The following SLC24A3 variants were observed in gnomAD, a reference collection of about 807,000 sequenced individuals.
The protein encoded by SLC24A3 is solute carrier family 24 member 3.
A neutral mutation model predicts 75.8 loss-of-function variants in SLC24A3; 28 were observed. The observed-to-expected ratio is 0.37, with a 90% CI of 0.27 to 0.51. SLC24A3 has a LOEUF of 0.51. Among genes scored for constraint, SLC24A3 ranks in the 20% least tolerant of loss-of-function variants. SLC24A3 has a pLI of 0.94. For synonymous variants in SLC24A3, 372 were observed against 334.1 expected, an observed-to-expected ratio of 1.11 and a Z score of -1.24; for missense variants, 663 against 847.8, an observed-to-expected ratio of 0.78 and a Z score of 2.71.
At chr20:19,230,747 C>T (rs992749208) in intron 1 of SLC24A3, among the ~76,000 whole-genome samples, 31 of 152,100 alleles carry the variant, frequency 2.0e-4, no homozygotes, top group African/African-American at 7.0e-4. Context: ...GACCCATGTG[C>T]CCTTCCACAG....
intron 2 of SLC24A3, among the ~76,000 whole-genome samples, chr20:19,325,801 G>GT (rs1568589916): frequency 7.6e-5 from 4 of 52,592 alleles, no homozygotes; most frequent in African/African-American, 3.6e-4. Context: ...TATATAGAGA[G>GT]AGAGAGAGAG....
chr20:19,421,287 C>G (rs1403527491), intron 2 of SLC24A3, among the ~76,000 whole-genome samples: 1 of 119,452 alleles, frequency 8.4e-6, no homozygotes, highest in African/African-American at 3.3e-5. Context: ...ATTTTCGCAA[C>G]CTACTCATCT....
At chr20:19,453,640 A>G (rs1987531161) in intron 2 of SLC24A3, among the ~76,000 whole-genome samples, 2 of 152,156 alleles carry the variant, frequency 1.3e-5, no homozygotes, top group South Asian at 4.1e-4. Context: ...TTGAAGTTCT[A>G]CTTGAGGCAT....
intron 1 of SLC24A3, among the ~76,000 whole-genome samples, chr20:19,214,631 C>A (rs1343219631): frequency 6.6e-6 from 1 of 152,042 alleles, no homozygotes; most frequent in Admixed American, 6.6e-5. Context: ...TTAAGTCAAT[C>A]AGTGACAGGG....
intron 1 of SLC24A3, among the ~76,000 whole-genome samples, chr20:19,222,619 C>G (rs1006653801): frequency 1.3e-5 from 2 of 152,118 alleles, no homozygotes; most frequent in Non-Finnish European, 2.9e-5. Context: ...CAGAAACACT[C>G]CCCTAGACTC....
intron 2 of SLC24A3, among the ~76,000 whole-genome samples, chr20:19,349,918 T>C (rs537199157): frequency 1.3e-5 from 2 of 152,220 alleles, no homozygotes; most frequent in East Asian, 1.9e-4. Context: ...GTGTGGCATA[T>C]GTTTCTAAGC....
chr20:19,277,774 T>A (rs992042226), intron 1 of SLC24A3, among the ~76,000 whole-genome samples: 2 of 152,234 alleles, frequency 1.3e-5, no homozygotes, highest in African/African-American at 4.8e-5. Context: ...TATTTTTACA[T>A]CTCTTAATTG....
chr20:19,352,141 G>T (rs1015648113), intron 2 of SLC24A3, among the ~76,000 whole-genome samples: 1 of 151,992 alleles, frequency 6.6e-6, no homozygotes, highest in Admixed American at 6.5e-5. Context: ...GGGCGGGGAG[G>T]GGGTAGTTCT....
chr20:19,329,156 T>C (rs1040232519), intron 2 of SLC24A3, among the ~76,000 whole-genome samples: 1 of 151,680 alleles, frequency 6.6e-6, no homozygotes, highest in Non-Finnish European at 1.5e-5. Context: ...GCAAAGCAGA[T>C]TGATAACTCT....
At chr20:19,258,577 C>T (rs1017199397) in intron 1 of SLC24A3, among the ~76,000 whole-genome samples, 3 of 152,084 alleles carry the variant, frequency 2.0e-5, no homozygotes, top group African/African-American at 7.2e-5. Context: ...GTGCACGTGC[C>T]CATAATCCCG....
intron 1 of SLC24A3, among the ~76,000 whole-genome samples, chr20:19,278,002 A>G (rs1568576257): frequency 6.6e-6 from 1 of 152,192 alleles, no homozygotes; most frequent in Non-Finnish European, 1.5e-5. Flanking sequence ...GGTACTGTGT[A>G]GATGGGCAGA....
chr20:19,714,108 A>G (rs547815187), intron 15 of SLC24A3, among the ~76,000 whole-genome samples: 3 of 152,302 alleles, frequency 2.0e-5, no homozygotes, highest in African/African-American at 7.2e-5. Context: ...TTTTATTTAC[A>G]AAGACAGGCT....
Position 19,429,576 on chromosome 20 carries a change from G to A in SLC24A3, c.272-85912G>A, listed in dbSNP as rs559985861. 3.3e-5 allele frequency among the ~76,000 whole-genome samples: 5 copies of A among 152,324 alleles called. No homozygotes were observed. The South Asian group carries it at 1.0e-3, about 32-fold the overall frequency. ...AAGGACACATATTTATGTGGAAGAC[G>A]ATGAGAGTTAGACTTGAATTTACTG... On this transcript the variant is annotated intron_variant, in intron 2 of 16. Transcript: ENST00000328041.
At chr20:19,287,289 G>A (rs749135321) in intron 2 of SLC24A3, among the ~76,000 whole-genome samples, 8 of 152,212 alleles carry the variant, frequency 5.3e-5, no homozygotes, top group Non-Finnish European at 1.2e-4. Context: ...AGAGCATGGA[G>A]GATTTGGGGT....
chr20:19,484,892 G>A (rs1474164596), intron 2 of SLC24A3, among the ~76,000 whole-genome samples: 1 of 152,140 alleles, frequency 6.6e-6, no homozygotes, highest in African/African-American at 2.4e-5. Context: ...TTAAAAATAG[G>A]TGTGTATTTT....
At chr20:19,365,590 A>T (rs916067034) in intron 2 of SLC24A3, among the ~76,000 whole-genome samples, 24 of 152,336 alleles carry the variant, frequency 1.6e-4, no homozygotes, top group Admixed American at 1.3e-4. Context: ...ACAGAAAAGC[A>T]CATGGTTATT....
chr20:19,539,714 T>C (rs191169561), intron 3 of SLC24A3, among the ~76,000 whole-genome samples: 269 of 152,210 alleles, frequency 1.8e-3, no homozygotes, highest in Non-Finnish European at 3.1e-3. Context: ...TTTAATCAAG[T>C]TTCATGTGAC....
chr20:19,538,820 G>A (rs749356668), intron 3 of SLC24A3, among the ~76,000 whole-genome samples: 11 of 152,154 alleles, frequency 7.2e-5, no homozygotes, highest in Admixed American at 1.3e-4. Flanking sequence ...GAATATCCAC[G>A]GCAGCACTGT....
chr20:19,501,941 G>A (rs1330086907), intron 2 of SLC24A3, among the ~76,000 whole-genome samples: 1 of 152,096 alleles, frequency 6.6e-6, no homozygotes, highest in Admixed American at 6.6e-5. Context: ...GTTCCATGGA[G>A]GACTTAATGT....
Sources: gnomAD v4.1 joint callset for allele counts (sites outside exome capture counted in the v4.1 genomes callset) on GRCh38, gnomAD v4.1.1 for gene constraint, MANE v1.5 for transcripts, NCBI Gene and HGNC (gene_info 2026-07-23, HGNC 2026-07-21) for gene names.